REV3L: variants seen among roughly 807,000 people sequenced by gnomAD.
REV3L encodes REV3 like, DNA directed polymerase zeta catalytic subunit, also known as DNA polymerase zeta catalytic subunit.
A neutral mutation model predicts 299.4 loss-of-function variants in REV3L; 69 were observed. That is an observed-to-expected ratio of 0.23 (90% CI 0.19 to 0.28). REV3L has a LOEUF of 0.28. REV3L is among the 10% of genes least tolerant of loss of function. The pLI is 1.00. For synonymous variants in REV3L, 1,238 were observed against 1,271.4 expected (o/e 0.97, Z 0.56); for missense variants, 3,128 against 3,693.8 (o/e 0.85, Z 3.97).
intron 1 of REV3L, among the ~76,000 whole-genome samples, chr6:111,428,369 T>G (rs984329869): frequency 7.9e-5 from 12 of 151,754 alleles, no homozygotes; most frequent in African/African-American, 2.9e-4. Context: ...ATCAAAATAA[T>G]ACAAAAAAAA....
chr6:111,373,269 A>C lies in REV3L; in HGVS notation c.5086T>G (p.Phe1696Val). The C allele has an allele frequency of 6.2e-7, 1 of 1,613,674 alleles. No homozygotes were observed. Among genetic ancestry groups the C allele is most frequent in the Non-Finnish European group, 8.5e-7 (1 of 1,179,912 alleles). ...FPGQAIEKNE[F>V]LSHDNQKCDE... ...CATTTCTGGTTGTCATGACTTAAAA[A>C]CTCATTTTTTTCTATAGCTTGTCCT... Residue 1696 changes from phenylalanine to valine, a missense_variant, in exon 13 of 32, where the codon TTT becomes GTT. Phe to Val is a conservative substitution (Grantham distance 50). This residue lies in a region of REV3L where 2,409 missense variants were observed against 2,611.8 expected (regional missense o/e 0.92). Coordinates refer to ENST00000368802, the MANE Select transcript of REV3L (RefSeq NM_001372078.1).
chr6:111,339,766 C>T (rs1776292051), intron 21 of REV3L, among the ~76,000 whole-genome samples: 2 of 151,980 alleles, frequency 1.3e-5, no homozygotes, highest in South Asian at 4.1e-4. Context: ...GTGATCTTTC[C>T]GAAATAAAAT....
At chr6:111,389,727 ATTTTTTT>A (rs10713895) in intron 6 of REV3L, among the ~76,000 whole-genome samples, 4 of 81,338 alleles carry the variant, frequency 4.9e-5, no homozygotes, top group Admixed American at 1.7e-4. Context: ...TTGGTCATTA[ATTTTTTT>A]TTTTTTTTTT....
intron 25 of REV3L, among the ~76,000 whole-genome samples, chr6:111,327,569 A>AT (rs1317505539): frequency 6.6e-6 from 1 of 151,436 alleles, no homozygotes. Flanking sequence ...AAAAAAAAAA[A>AT]GGATAGCTTT....
At chr6:111,473,579 CCTA>C (rs1562368838) in intron 1 of REV3L, among the ~76,000 whole-genome samples, 1 of 151,614 alleles carries the variant, frequency 6.6e-6, no homozygotes, top group African/African-American at 2.4e-5. Flanking sequence ...TAAAACGAAT[CCTA>C]CTATAATCTA....
chr6:111,382,498 C>T (rs942767452), intron 9 of REV3L, among the ~76,000 whole-genome samples: 9 of 152,124 alleles, frequency 5.9e-5, no homozygotes, highest in African/African-American at 1.4e-4. Flanking sequence ...CAGTGGAGAG[C>T]GACACGGTAT....
At chr6:111,401,595 G>A (rs1484283682) in intron 4 of REV3L, among the ~76,000 whole-genome samples, 1 of 152,122 alleles carries the variant, frequency 6.6e-6, no homozygotes, top group Non-Finnish European at 1.5e-5. Context: ...GCTCTAAAAG[G>A]GAGGCACATG....
At chr6:111,359,814 T>C (rs1290371652) in intron 16 of REV3L, among the ~76,000 whole-genome samples, 4 of 152,190 alleles carry the variant, frequency 2.6e-5, no homozygotes, top group Non-Finnish European at 5.9e-5. Context: ...CAGATTCCTG[T>C]TTCAATATTG....
chr6:111,348,798 C>T (rs1212706040), intron 20 of REV3L, among the ~76,000 whole-genome samples: 1 of 152,148 alleles, frequency 6.6e-6, no homozygotes, highest in South Asian at 2.1e-4. Flanking sequence ...CACAGGCATG[C>T]GCCTCCACAT....
intron 31 of REV3L, among the ~76,000 whole-genome samples, chr6:111,305,432 A>C (rs1582425887): frequency 1.3e-5 from 2 of 151,978 alleles, no homozygotes; most frequent in East Asian, 3.9e-4. Context: ...GTCTAAAAAA[A>C]AATAATTAGT....
At chr6:111,383,966 G>A (rs975330498) in intron 9 of REV3L, among the ~76,000 whole-genome samples, 1 of 152,064 alleles carries the variant, frequency 6.6e-6, no homozygotes, top group Non-Finnish European at 1.5e-5. Flanking sequence ...CAGTGAACTC[G>A]TTTTTGATGA....
At chr6:111,449,186 A>G (rs1789213967) in intron 1 of REV3L, among the ~76,000 whole-genome samples, 1 of 152,232 alleles carries the variant, frequency 6.6e-6, no homozygotes, top group Non-Finnish European at 1.5e-5. Context: ...TGGTCTTTAC[A>G]CATTAGACAT....
At chr6:111,459,074 CA>C (rs1338402463) in intron 1 of REV3L, among the ~76,000 whole-genome samples, 1 of 151,942 alleles carries the variant, frequency 6.6e-6, no homozygotes, top group Non-Finnish European at 1.5e-5. Context: ...AGTACTGGTA[CA>C]AAAAGAGATA....
chr6:111,363,979 C>A lies in REV3L; in HGVS notation c.6754-1G>T. The A allele has an allele frequency of 6.3e-7, 1 of 1,599,328 alleles. No individual in the cohort carries two copies. Among genetic ancestry groups the A allele is most frequent in the South Asian group, 1.1e-5 (1 of 87,126 alleles). On this transcript the variant is annotated splice_acceptor_variant, in intron 15 of 31. Transcript: ENST00000368802. LOFTEE classifies it high-confidence loss of function. ...GGGTATTTACTGCTGCAAATTGATT[C>A]TATAAAAAAAAACACACACACACAC...
intron 1 of REV3L, among the ~76,000 whole-genome samples, chr6:111,447,825 G>T (rs1789033519): frequency 6.6e-6 from 1 of 152,152 alleles, no homozygotes; most frequent in Admixed American, 6.5e-5. Context: ...CTCTATATAT[G>T]TTTATTGATG....
At chr6:111,305,651 G>A (rs1314937073) in intron 31 of REV3L, among the ~76,000 whole-genome samples, 8 of 152,036 alleles carry the variant, frequency 5.3e-5, no homozygotes, top group Admixed American at 2.6e-4. Flanking sequence ...TAATGTTGAA[G>A]GAGGATGGGC....
chr6:111,404,574 C>T (rs1478896274), intron 4 of REV3L, among the ~76,000 whole-genome samples: 1 of 152,172 alleles, frequency 6.6e-6, no homozygotes, highest in East Asian at 1.9e-4. Flanking sequence ...GAAAACCTTC[C>T]AGAAAGGATT....
intron 11 of REV3L, among the ~76,000 whole-genome samples, chr6:111,379,040 C>T (rs1310216245): frequency 6.6e-6 from 1 of 152,138 alleles, no homozygotes; most frequent in Non-Finnish European, 1.5e-5. Flanking sequence ...TATATGTGTA[C>T]AAAATGTTTA....
At chr6:111,326,613 CAA>C (rs397768163) in intron 25 of REV3L, among the ~76,000 whole-genome samples, 101 of 145,980 alleles carry the variant, frequency 6.9e-4, no homozygotes, top group Non-Finnish European at 1.2e-3. Flanking sequence ...ATACCCCCCC[CAA>C]AAAAAAAAAT....
Sources: gnomAD v4.1 joint callset for allele counts (sites outside exome capture counted in the v4.1 genomes callset) on GRCh38, gnomAD v4.1.1 for gene constraint, gnomAD v4.1.1 regional missense constraint, MANE v1.5 for transcripts, NCBI Gene and HGNC (gene_info 2026-07-23, HGNC 2026-07-21) for gene names.